Variants in WDR72 observed in about 807,000 individuals in gnomAD.
WDR72 encodes the protein WD repeat-containing protein 72.
A neutral mutation model predicts 124.2 loss-of-function variants in WDR72; 120 were observed. That is an observed-to-expected ratio of 0.97 (90% CI 0.83 to 1.12). The LOEUF (loss-of-function observed/expected upper bound fraction) is 1.12. Among genes scored for constraint, WDR72 ranks in the 50% most tolerant of loss-of-function variants. The pLI, the probability that WDR72 is intolerant of heterozygous loss-of-function variation, is 0.00. For synonymous variants in WDR72, 452 were observed against 441.7 expected (o/e 1.02, Z -0.29); for missense variants, 1,387 against 1,278.8 (o/e 1.08, Z -1.29).
chr15:53,596,753 T>C (rs2012793560), intron 18 of WDR72, among the ~76,000 whole-genome samples: 1 of 152,162 alleles, frequency 6.6e-6, no homozygotes, highest in Admixed American at 6.6e-5. Flanking sequence ...AGGAAATTGA[T>C]AGCAGAATAG....
At chr15:53,715,782 C>T (rs1358924794) in intron 4 of WDR72, among the ~76,000 whole-genome samples, 1 of 152,152 alleles carries the variant, frequency 6.6e-6, no homozygotes, top group Non-Finnish European at 1.5e-5. Flanking sequence ...CACCACTGTA[C>T]TTCAGCCTGG....
intron 14 of WDR72, among the ~76,000 whole-genome samples, chr15:53,640,046 C>T (rs1437495682): frequency 6.6e-6 from 1 of 152,136 alleles, no homozygotes; most frequent in East Asian, 1.9e-4. Flanking sequence ...GATGTTATTC[C>T]AGGTCTTTTA....
chr15:53,545,008 A>G (rs574544932), intron 18 of WDR72, among the ~76,000 whole-genome samples: 1 of 144,526 alleles, frequency 6.9e-6, no homozygotes, highest in East Asian at 2.0e-4. Context: ...CAAGGAAATA[A>G]AAGAGGATAC....
chr15:53,594,171 T>C (rs2012650257), intron 18 of WDR72, among the ~76,000 whole-genome samples: 1 of 152,026 alleles, frequency 6.6e-6, no homozygotes, highest in East Asian at 1.9e-4. Context: ...GTTGCCATAT[T>C]GCTATAATCC....
chr15:53,531,247 C>A (rs1186765266), intron 18 of WDR72, among the ~76,000 whole-genome samples: 5 of 151,968 alleles, frequency 3.3e-5, no homozygotes, highest in Non-Finnish European at 7.4e-5. Context: ...TGAGATTGAA[C>A]GAAAGACATG....
chr15:53,583,240 A>G (rs945091836), intron 18 of WDR72, among the ~76,000 whole-genome samples: 2 of 152,032 alleles, frequency 1.3e-5, no homozygotes, highest in African/African-American at 4.8e-5. Context: ...TTGATGTATG[A>G]AAAAAGAAAC....
rs866762141 is a variant in WDR72 at position 53,576,600 on chromosome 15, A to C, written c.3148+20479T>G. Among the ~76,000 whole-genome samples, 5 of 151,918 alleles carry C rather than the reference A, an allele frequency of 3.3e-5. No homozygotes were observed. In the Middle Eastern group the frequency reaches 0.01, roughly 310 times the overall value. On this transcript the variant is annotated intron_variant, in intron 18 of 19. Coordinates refer to ENST00000360509, the MANE Select transcript of WDR72 (RefSeq NM_182758.4). ...TCCTTTCCTTCTCTCTTCTTCCCCC[A>C]CCCCTAAAAATACACACATACAGAA...
intron 14 of WDR72, among the ~76,000 whole-genome samples, chr15:53,645,744 A>G (rs2015018603): frequency 2.0e-5 from 3 of 152,206 alleles, no homozygotes; most frequent in Non-Finnish European, 4.4e-5. Context: ...ATATCTAAAT[A>G]TAAAAGGAAA....
rs78447337 is a variant in WDR72 at position 53,759,142 on chromosome 15, T to C, written c.-13+491A>G. ...GCAGGCTTAGGCCCACCCGGTCGTT[T>C]TCCCTGCCCTTGAACTCAGCTTTAA... On this transcript the variant is annotated intron_variant, in intron 1 of 19. Coordinates refer to ENST00000360509, the MANE Select transcript of WDR72 (RefSeq NM_182758.4). Among the ~76,000 whole-genome samples the C allele has an allele frequency of 9.2e-3, 1,406 of 152,242 alleles. 13 individuals are homozygous for C. Among genetic ancestry groups the C allele is most frequent in the Admixed American group, 0.028 (429 of 15,296 alleles).
intron 14 of WDR72, among the ~76,000 whole-genome samples, chr15:53,617,299 T>C (rs1254254892): frequency 6.6e-6 from 1 of 151,558 alleles, no homozygotes; most frequent in Non-Finnish European, 1.5e-5. Flanking sequence ...AATAAATGAA[T>C]AAAGTCACAA....
intron 18 of WDR72, among the ~76,000 whole-genome samples, chr15:53,559,779 C>T (rs1420237851): frequency 6.6e-6 from 1 of 151,936 alleles, no homozygotes; most frequent in Non-Finnish European, 1.5e-5. Context: ...TGGTTATGTA[C>T]TGGGGTTTGC....
Position 53,523,208 on chromosome 15 carries a change from T to C in WDR72, c.3253+10A>G, listed in dbSNP as rs2140210965. On this transcript the variant is annotated intron_variant, in intron 19 of 19. Coordinates refer to ENST00000360509, the MANE Select transcript of WDR72 (RefSeq NM_182758.4). ...CATTTTATACTTGACTATTTTTAAA[T>C]GGCTTTCACCTGGACTCTCAGACTC... 1 of 1,611,952 alleles carries C rather than the reference T, an allele frequency of 6.2e-7. No homozygotes were observed. Among genetic ancestry groups the C allele is most frequent in the East Asian group, 2.2e-5 (1 of 44,830 alleles).
At chr15:53,671,755 A>G (rs910370920) in intron 13 of WDR72, among the ~76,000 whole-genome samples, 4 of 152,120 alleles carry the variant, frequency 2.6e-5, no homozygotes, top group Non-Finnish European at 4.4e-5. Flanking sequence ...TGGCACAAGA[A>G]CTTGTAATTG....
intron 14 of WDR72, among the ~76,000 whole-genome samples, chr15:53,634,059 GT>G (rs1406394874): frequency 1.3e-5 from 2 of 152,156 alleles, no homozygotes; most frequent in South Asian, 2.1e-4. Flanking sequence ...AAAAAGTTAA[GT>G]TTTGAAAATG....
intron 13 of WDR72, among the ~76,000 whole-genome samples, chr15:53,679,708 G>A (rs1595843226): frequency 6.6e-6 from 1 of 152,174 alleles, no homozygotes; most frequent in African/African-American, 2.4e-5. Flanking sequence ...GGGAGGCAAA[G>A]ATATAGAGTG....
chr15:53,758,483 T>C (rs2018972312), intron 1 of WDR72, among the ~76,000 whole-genome samples: 1 of 152,010 alleles, frequency 6.6e-6, no homozygotes, highest in Non-Finnish European at 1.5e-5. Context: ...AAGACTCTAT[T>C]GGCACATTTT....
chr15:53,673,663 A>G (rs1477847649), intron 13 of WDR72, among the ~76,000 whole-genome samples: 1 of 152,158 alleles, frequency 6.6e-6, no homozygotes, highest in Non-Finnish European at 1.5e-5. Context: ...TTATTATTGG[A>G]TTGTGGAAAA....
At chr15:53,543,191 A>AT (rs1253844689) in intron 18 of WDR72, among the ~76,000 whole-genome samples, 1 of 145,158 alleles carries the variant, frequency 6.9e-6, no homozygotes, top group Non-Finnish European at 1.5e-5. Flanking sequence ...CAGAATATAC[A>AT]TTTTTTTCAG....
chr15:53,551,041 T>A (rs545862925), intron 18 of WDR72, among the ~76,000 whole-genome samples: 1 of 152,254 alleles, frequency 6.6e-6, no homozygotes, highest in Admixed American at 6.5e-5. Flanking sequence ...TTTAAGGAAA[T>A]GACCTTTAAA....
Sources: allele counts gnomAD v4.1 joint callset (sites outside exome capture counted in the v4.1 genomes callset), GRCh38; gene constraint gnomAD v4.1.1; transcripts MANE v1.5; gene names NCBI Gene and HGNC (gene_info 2026-07-23, HGNC 2026-07-21).